DAPK2: variants seen among roughly 807,000 people sequenced by gnomAD.
DAPK2 encodes the protein death associated protein kinase 2, also known as death-associated protein kinase 2.
DAPK2 carries 35 observed loss-of-function variants against 44.1 expected under a neutral mutation model. The observed-to-expected ratio is 0.79, with a 90% CI of 0.61 to 1.05. The LOEUF (loss-of-function observed/expected upper bound fraction) is 1.05. Among genes scored for constraint, DAPK2 ranks in the 50% least tolerant of loss-of-function variants. The pLI is 0.00. For missense variants in DAPK2, 453 were observed against 483.2 expected (o/e 0.94, Z 0.59); for synonymous variants, 174 against 182.6 (o/e 0.95, Z 0.38).
At chr15:63,997,461 G>C (rs2078979061) in intron 1 of DAPK2, among the ~76,000 whole-genome samples, 1 of 152,174 alleles carries the variant, frequency 6.6e-6, no homozygotes, top group African/African-American at 2.4e-5. Flanking sequence ...CTCCCAAGTA[G>C]CTGGGACTAC....
chr15:63,989,140 A>ACTGCACTG (rs2078746715), intron 1 of DAPK2, among the ~76,000 whole-genome samples: 4 of 145,980 alleles, frequency 2.7e-5, no homozygotes, highest in African/African-American at 7.7e-5. Flanking sequence ...AGATCATGCC[A>ACTGCACTG]CTGCACTGCT....
chr15:64,025,818 G>A (rs934880215), intron 1 of DAPK2, among the ~76,000 whole-genome samples: 18 of 152,288 alleles, frequency 1.2e-4, no homozygotes, highest in Middle Eastern at 3.4e-3. Context: ...TAATACAGCT[G>A]TTCCAATGAA....
chr15:64,038,435 C>G (rs41415644), intron 1 of DAPK2, among the ~76,000 whole-genome samples: 4,933 of 152,294 alleles, frequency 0.032, 279 homozygotes, highest in African/African-American at 0.11. Flanking sequence ...CACAGAGAAC[C>G]GGCTTCCCAT....
rs73450762 is a variant in DAPK2 at position 63,912,062 on chromosome 15, G to A, written c.948+46C>T. On this transcript the variant is annotated intron_variant, in intron 9 of 10. Transcript: ENST00000261891. This position sits in a 1 kb window ranked among gnomAD's most constrained non-coding sequence, Gnocchi z 4.4. The stretch of plus-strand genomic sequence containing the variant: ...GAGACCCTGGAGAGCCAGAAACCCC[G>A]CCCTAGCCCCCACCCTGTCCCCCGC... The A allele has an allele frequency of 4.6e-3, 4,615 of 1,010,752 alleles. 120 individuals carry two copies. In the African/African-American group the frequency reaches 0.062, roughly 14 times the overall value. The allele number at this position is 1,010,752 out of a possible 1,614,324, so 62.6% of individuals were successfully genotyped here. A position where few individuals can be genotyped will look rare whatever the true frequency, so the allele number is the denominator to read the frequency against.
chr15:64,031,272 G>A (rs962993935), intron 1 of DAPK2, among the ~76,000 whole-genome samples: 10 of 150,536 alleles, frequency 6.6e-5, no homozygotes, highest in South Asian at 2.1e-4. Context: ...TTGCTCTGTC[G>A]CCCAGGCAGG....
rs1016013572 is a variant in DAPK2, at chr15:64,013,546, A to G, written c.92+26624T>C. 2.0e-5 allele frequency among the ~76,000 whole-genome samples: 3 copies of G among 152,212 alleles called. No individual in the cohort carries two copies. The highest frequency in any genetic ancestry group is 7.2e-5 in the African/African-American group (3 of 41,450). On this transcript the variant is annotated intron_variant, in intron 1 of 10. Coordinates refer to ENST00000261891, the Ensembl canonical transcript of DAPK2. This position sits in a 1 kb window ranked among gnomAD's most constrained non-coding sequence, Gnocchi z 4.7. ...ATGAGGAGAAGGGGCAAGAACTTTA[A>G]AAGTAGAAAAACCTAAGGGCTAGAA...
intron 1 of DAPK2, among the ~76,000 whole-genome samples, chr15:64,036,338 C>CAT (rs60386813): frequency 0.019 from 806 of 42,958 alleles, 55 homozygotes; most frequent in Non-Finnish European, 0.028. Flanking sequence ...TATATATATA[C>CAT]ATATATATAT....
chr15:63,913,274 T>C (rs2078842820), intron 8 of DAPK2, among the ~76,000 whole-genome samples: 1 of 152,204 alleles, frequency 6.6e-6, no homozygotes, highest in Admixed American at 6.5e-5. Flanking sequence ...TGGAATTAGA[T>C]AGTGATGTGG....
chr15:63,927,666 T>C (rs2079338923), intron 6 of DAPK2, among the ~76,000 whole-genome samples: 2 of 152,058 alleles, frequency 1.3e-5, no homozygotes, highest in African/African-American at 4.8e-5. Context: ...GTGCCTGCCA[T>C]GGAGCAGACC....
intron 1 of DAPK2, among the ~76,000 whole-genome samples, chr15:64,016,025 C>T (rs903249235): frequency 2.6e-5 from 4 of 152,204 alleles, no homozygotes; most frequent in African/African-American, 9.6e-5. Flanking sequence ...GGGAGGAAGG[C>T]TTGGGTTCTT....
chr15:63,930,276 G>A, intron 5 of DAPK2, 131 bp downstream of exon 6: 1 of 940,720 alleles, frequency 1.1e-6, no homozygotes, highest in Non-Finnish European at 1.7e-6. Flanking sequence ...CGGGGGAGCA[G>A]CCAGAGGCTC....
chr15:63,948,600 C>A (rs1253241041), intron 3 of DAPK2, among the ~76,000 whole-genome samples: 1 of 152,132 alleles, frequency 6.6e-6, no homozygotes, highest in Non-Finnish European at 1.5e-5. Context: ...CACAATTCAA[C>A]ACGAGATTTA....
At position 63,916,357 on chromosome 15, in the gene DAPK2, G is replaced by A. The variant is rs2078926138; in HGVS notation, c.859-4160C>T. ...TCTCTAGATACTAGGTCTTCTTTAGGAACTGCAAGCAGATTGCACCTCCAA... is the reference window on the plus strand; with the variant it reads ...TCTCTAGATACTAGGTCTTCTTTAGAAACTGCAAGCAGATTGCACCTCCAA... On this transcript the variant is annotated intron_variant, in intron 8 of 10. Coordinates refer to ENST00000261891, the Ensembl canonical transcript of DAPK2. The surrounding 1 kb of genome is among the most constrained non-coding windows in gnomAD (Gnocchi z 4.7). The A allele has an allele frequency of 6.6e-6, 1 of 151,784 alleles. No individual in the cohort carries two copies. Among genetic ancestry groups the A allele is most frequent in the African/African-American group, 2.4e-5 (1 of 41,196 alleles). The allele number at this position is 151,784 out of a possible 1,614,324, so 9.4% of individuals were successfully genotyped here. A position where few individuals can be genotyped will look rare whatever the true frequency, so the allele number is the denominator to read the frequency against.
At chr15:63,935,042 G>A (rs1341954797) in intron 4 of DAPK2, among the ~76,000 whole-genome samples, 1 of 148,654 alleles carries the variant, frequency 6.7e-6, no homozygotes, top group East Asian at 2.0e-4. Flanking sequence ...AATGTTTTGG[G>A]GTTTTTTTTT....
At chr15:63,928,372 T>C (rs2079380300) in intron 6 of DAPK2, 1 of 152,202 alleles carries the variant, frequency 6.6e-6, no homozygotes, top group South Asian at 2.1e-4. Context: ...ATAGGGATCA[T>C]TGAGAGAATA....
At chr15:63,930,268 G>A in intron 5 of DAPK2, 139 bp downstream of exon 6, 1 of 881,158 alleles carries the variant, frequency 1.1e-6, no homozygotes, top group Non-Finnish European at 1.9e-6. Flanking sequence ...TAACACATCG[G>A]GGGAGCAGCC....
At chr15:64,019,375 C>T (rs568034489) in intron 1 of DAPK2, among the ~76,000 whole-genome samples, 13 of 152,328 alleles carry the variant, frequency 8.5e-5, no homozygotes, top group South Asian at 6.2e-4. Context: ...AGGATTTATT[C>T]GGAAGAGTAG....
chr15:63,986,100 A>G (rs2078661229), intron 1 of DAPK2, among the ~76,000 whole-genome samples: 1 of 152,202 alleles, frequency 6.6e-6, no homozygotes, highest in Non-Finnish European at 1.5e-5. Context: ...CCTCAGAGGG[A>G]GCCAAGGCTG....
intron 1 of DAPK2, among the ~76,000 whole-genome samples, chr15:64,009,700 A>G (rs2079333527): frequency 6.6e-6 from 1 of 152,096 alleles, no homozygotes; most frequent in Admixed American, 6.5e-5. Flanking sequence ...GTTAGCTCCT[A>G]AAGTTCAGTA....
Sources: gnomAD v4.1 joint callset for allele counts (sites outside exome capture counted in the v4.1 genomes callset) on GRCh38, gnomAD v4.1.1 for gene constraint, Gnocchi (gnomAD v3.1) non-coding constraint, MANE v1.5 for transcripts, NCBI Gene and HGNC (gene_info 2026-07-23, HGNC 2026-07-21) for gene names.